Variants in UGT8 observed in about 807,000 individuals in gnomAD.
The protein encoded by UGT8 is 2-hydroxyacylsphingosine 1-beta-galactosyltransferase.
Under a neutral mutation model 40.5 loss-of-function variants are expected in UGT8, and 12 were observed. The observed-to-expected ratio is 0.30, with a 90% CI of 0.19 to 0.48. The LOEUF (loss-of-function observed/expected upper bound fraction) is 0.48, where lower values mean the gene tolerates loss of function less well. Among genes scored for constraint, UGT8 ranks in the 20% least tolerant of loss-of-function variants. The pLI, the probability that UGT8 is intolerant of heterozygous loss-of-function variation, is 0.99. For synonymous variants in UGT8, 224 were observed against 240.4 expected (o/e 0.93, Z 0.63); for missense variants, 513 against 648.7 (o/e 0.79, Z 2.27).
rs1735008557 is a variant in UGT8, at chr4:114,668,164, A to T, written c.1122A>T (p.Val374=). 6.2e-7 allele frequency: 1 copy of T among 1,613,880 alleles called. No homozygotes were observed. The highest frequency in any genetic ancestry group is 1.7e-5 in the Admixed American group (1 of 60,014). Residue 374 remains valine (V), a synonymous_variant, in exon 5 of 6, where the codon GTA becomes GTT. Coordinates refer to ENST00000310836, the MANE Select transcript of UGT8 (RefSeq NM_001128174.3). ...AAACTATATATCATGGTGTGCCTGTAGTGGGAATTCCACTCTTTGGAGACC... is the reference window on the plus strand; with the variant it reads ...AAACTATATATCATGGTGTGCCTGTTGTGGGAATTCCACTCTTTGGAGACC... ...IFETIYHGVP[V]VGIPLFGDHY...
At chr4:114,605,676 T>A (rs1730688741) in intron 1 of UGT8, among the ~76,000 whole-genome samples, 1 of 152,134 alleles carries the variant, frequency 6.6e-6, no homozygotes, top group South Asian at 2.1e-4. Flanking sequence ...AACATCAAGT[T>A]TAAATAATGT....
intron 2 of UGT8, among the ~76,000 whole-genome samples, chr4:114,654,364 G>GA (rs1372962932): frequency 6.6e-6 from 1 of 151,958 alleles, no homozygotes; most frequent in Admixed American, 6.6e-5. Context: ...TCTTGAGAAA[G>GA]AAACCAAATG....
At chr4:114,610,929 A>G (rs1466260164) in intron 1 of UGT8, among the ~76,000 whole-genome samples, 4 of 152,146 alleles carry the variant, frequency 2.6e-5, no homozygotes, top group Non-Finnish European at 4.4e-5. Context: ...TAATCCCATG[A>G]TCTTTTGTGA....
intron 1 of UGT8, among the ~76,000 whole-genome samples, chr4:114,613,868 G>A (rs1373511278): frequency 3.3e-5 from 5 of 152,102 alleles, no homozygotes; most frequent in Non-Finnish European, 7.4e-5. Flanking sequence ...GCCAGAATTT[G>A]AAAACAACTT....
intron 1 of UGT8, among the ~76,000 whole-genome samples, chr4:114,609,263 T>G (rs1730903912): frequency 6.6e-6 from 1 of 152,062 alleles, no homozygotes; most frequent in Non-Finnish European, 1.5e-5. Context: ...AAAAAAAGAA[T>G]ATATTTTAAG....
chr4:114,622,752 G>A (rs368115407), intron 1 of UGT8, 127 bp from the exon 2 acceptor site: 22,203 of 769,888 alleles, frequency 0.029, 404 homozygotes, highest in Non-Finnish European at 0.034. Flanking sequence ...AGAAGTGTCT[G>A]TTCATGATTT....
At chr4:114,633,144 G>A (rs1380349520) in intron 2 of UGT8, among the ~76,000 whole-genome samples, 7 of 152,180 alleles carry the variant, frequency 4.6e-5, no homozygotes, top group Admixed American at 3.9e-4. Flanking sequence ...TGGCCATTTA[G>A]TTATACATTG....
At chr4:114,610,202 T>C (rs1361290971) in intron 1 of UGT8, among the ~76,000 whole-genome samples, 1 of 152,180 alleles carries the variant, frequency 6.6e-6, no homozygotes, top group Non-Finnish European at 1.5e-5. Context: ...TGGTTCCGAC[T>C]CTGCCAGCGA....
chr4:114,631,486 C>G (rs2126105666), intron 2 of UGT8, among the ~76,000 whole-genome samples: 1 of 152,320 alleles, frequency 6.6e-6, no homozygotes, highest in Middle Eastern at 3.4e-3. Context: ...GACTCCATCT[C>G]AACAAAAACA....
At position 114,676,397 on chromosome 4, in the gene UGT8, T is replaced by A. The variant is rs1276031608; in HGVS notation, c.*109T>A. 1 of 927,284 alleles carries A rather than the reference T, an allele frequency of 1.1e-6. No individual in the cohort carries two copies. Among genetic ancestry groups the A allele is most frequent in the Non-Finnish European group, 1.6e-6 (1 of 626,412 alleles). 57.4% of individuals were successfully genotyped at this position (927,284 alleles called of 1,614,324 possible). ...AAAACATCAGTAAACAATTCTAACA[T>A]GCCCTTATGAGATCTACTAATGAAA... On this transcript the variant is annotated 3_prime_UTR_variant, in exon 6 of 6. Transcript: ENST00000310836.
At chr4:114,631,405 T>G (rs1732563382) in intron 2 of UGT8, among the ~76,000 whole-genome samples, 1 of 152,208 alleles carries the variant, frequency 6.6e-6, no homozygotes, top group East Asian at 1.9e-4. Flanking sequence ...GAGAATCGCT[T>G]GAACCCGTGA....
intron 1 of UGT8, among the ~76,000 whole-genome samples, chr4:114,599,260 T>C (rs1264804825): frequency 6.6e-6 from 1 of 152,074 alleles, no homozygotes; most frequent in Non-Finnish European, 1.5e-5. Flanking sequence ...CCATATGGCA[T>C]CCGTTCGAGG....
Position 114,600,811 on chromosome 4 carries a change from T to C in UGT8, c.-3+1837T>C, listed in dbSNP as rs114068933. 2.9e-3 allele frequency among the ~76,000 whole-genome samples: 447 copies of C among 152,284 alleles called. 4 individuals are homozygous for C. Among genetic ancestry groups the C allele is most frequent in the African/African-American group, 0.01 (419 of 41,576 alleles). ...TTCTCCTATAGAAACTGTCTCTTGG[T>C]GGTTTGAGGTTTTGCTTTAGGAATG... On this transcript the variant is annotated intron_variant, in intron 1 of 5. Transcript: ENST00000310836.
intron 5 of UGT8, among the ~76,000 whole-genome samples, chr4:114,675,466 C>G (rs773184961): frequency 6.6e-6 from 1 of 152,048 alleles, no homozygotes; most frequent in African/African-American, 2.4e-5. Flanking sequence ...TTAGGCCGGG[C>G]GCGGTGGCTC....
chr4:114,674,152 G>T (rs1015292866), intron 5 of UGT8, among the ~76,000 whole-genome samples: 1 of 152,174 alleles, frequency 6.6e-6, no homozygotes, highest in African/African-American at 2.4e-5. Flanking sequence ...TATCTGAGTA[G>T]ATTTTTCACT....
chr4:114,624,908 G>C (rs754904307), intron 2 of UGT8, among the ~76,000 whole-genome samples: 102 of 152,244 alleles, frequency 6.7e-4, no homozygotes, highest in Admixed American at 1.3e-3. Context: ...GTAAAGGATA[G>C]GGATTAATCT....
intron 2 of UGT8, among the ~76,000 whole-genome samples, chr4:114,642,562 T>G (rs1422426827): frequency 6.6e-6 from 1 of 152,162 alleles, no homozygotes; most frequent in Non-Finnish European, 1.5e-5. Flanking sequence ...ATATTTTCAC[T>G]TGAATGAGCA....
intron 1 of UGT8, among the ~76,000 whole-genome samples, chr4:114,620,864 A>G (rs1364224563): frequency 5.3e-5 from 8 of 152,168 alleles, no homozygotes; most frequent in African/African-American, 1.9e-4. Flanking sequence ...TTGGGAATTT[A>G]TACAAATAGG....
In UGT8 at chr4:114,668,128, C is replaced by T; in HGVS notation, c.1086C>T (p.Asn362=). ...IKAFLSHGGL[N]SIFETIYHGV... The stretch of plus-strand genomic sequence containing the variant: ...CCTTCCTGAGCCATGGTGGTTTGAA[C>T]AGTATTTTTGAAACTATATATCATG... Residue 362 remains asparagine, a synonymous_variant, in exon 5 of 6, where the codon AAC becomes AAT. Transcript: ENST00000310836. The T allele has an allele frequency of 6.2e-7, 1 of 1,613,698 alleles. No homozygotes were observed. The highest frequency in any genetic ancestry group is 8.5e-7 in the Non-Finnish European group (1 of 1,179,748).
Sources: gnomAD v4.1 joint callset for allele counts (sites outside exome capture counted in the v4.1 genomes callset) on GRCh38, gnomAD v4.1.1 for gene constraint, MANE v1.5 for transcripts, NCBI Gene and HGNC (gene_info 2026-07-23, HGNC 2026-07-21) for gene names.